Variants in ERG observed in about 807,000 individuals in gnomAD.
The protein encoded by ERG is transcriptional regulator ERG.
ERG carries 9 observed loss-of-function variants against 55.3 expected under a neutral mutation model. That is an observed-to-expected ratio of 0.16 (90% CI 0.10 to 0.28). ERG has a LOEUF of 0.28. Among genes scored for constraint, ERG ranks in the 10% least tolerant of loss-of-function variants. The probability of loss-of-function intolerance (pLI) is 1.00; values close to 1 mark genes in which losing one functional copy is unlikely to be tolerated. For missense variants in ERG, 434 were observed against 631.6 expected (o/e 0.69, Z 3.35); for synonymous variants, 223 against 237.3 (o/e 0.94, Z 0.55).
chr21:38,373,282 C>T, the ERG span, among the ~76,000 whole-genome samples: 1 of 152,226 alleles, frequency 6.6e-6, no homozygotes, highest in African/African-American at 2.4e-5. Flanking sequence ...ACATCTCTCT[C>T]GTTTTGCTAC....
chr21:38,620,139 T>C (rs2060281687), intron 1 of ERG, among the ~76,000 whole-genome samples: 1 of 152,250 alleles, frequency 6.6e-6, no homozygotes, highest in African/African-American at 2.4e-5. Context: ...AGAGAGTCCA[T>C]AAATCATTAT....
At chr21:38,637,813 C>A (rs182788441) in intron 1 of ERG, among the ~76,000 whole-genome samples, 1 of 148,262 alleles carries the variant, frequency 6.7e-6, no homozygotes, top group East Asian at 2.1e-4. Context: ...AGTTCTTTTT[C>A]TGCGTGTGTG....
intron 1 of ERG, among the ~76,000 whole-genome samples, chr21:38,497,003 T>C (rs2226683): frequency 0.89 from 136,029 of 152,268 alleles, 60,974 homozygotes; most frequent in African/African-American, 0.97. Context: ...CATGTAGCTA[T>C]AAGTAGGGCA....
At chr21:38,447,199 C>T (rs181643447) in intron 1 of ERG, among the ~76,000 whole-genome samples, 69 of 152,002 alleles carry the variant, frequency 4.5e-4, no homozygotes, top group Non-Finnish European at 8.5e-4. Flanking sequence ...GCCAGACACA[C>T]GGCACTGAGA....
Position 38,402,583 on chromosome 21 carries a change from GGA to G in ERG, c.645_646del (p.Pro216ThrfsTer6). 1 of 1,612,260 alleles carries G rather than the reference GGA, an allele frequency of 6.2e-7. No homozygotes were observed. Among genetic ancestry groups the G allele is most frequent in the Non-Finnish European group, 8.5e-7 (1 of 1,179,540 alleles). Reference sequence around the variant, plus strand: ...TGTGTTTCTAGCATGCATTAACCGTGGAGAGTTTTGTAAGGCTTTATCAACAT... The same window carrying G: ...TGTGTTTCTAGCATGCATTAACCGTGGAGTTTTGTAAGGCTTTATCAACAT... On this transcript the variant is annotated frameshift_variant, in exon 5 of 10. Transcript: ENST00000288319. LOFTEE classifies it high-confidence loss of function.
At chr21:38,422,560 G>A (rs1989596009) in intron 3 of ERG, among the ~76,000 whole-genome samples, 1 of 152,246 alleles carries the variant, frequency 6.6e-6, no homozygotes, top group South Asian at 2.1e-4. Context: ...GTAGGGTAAA[G>A]GTTCACTGAC....
intron 2 of ERG, among the ~76,000 whole-genome samples, chr21:38,428,340 CA>C (rs1464441560): frequency 2.6e-5 from 4 of 152,216 alleles, no homozygotes; most frequent in Admixed American, 2.6e-4. Context: ...TACTCCACTG[CA>C]ACCCCACCTT....
At chr21:38,607,367 G>A (rs1018882675) in intron 1 of ERG, among the ~76,000 whole-genome samples, 2 of 152,186 alleles carry the variant, frequency 1.3e-5, no homozygotes, top group African/African-American at 4.8e-5. Context: ...GGCTGGGCGT[G>A]GTGGCTCACG....
chr21:38,658,330 C>T (rs761350394), intron 1 of ERG, among the ~76,000 whole-genome samples: 29 of 152,178 alleles, frequency 1.9e-4, no homozygotes, highest in African/African-American at 7.0e-4. Flanking sequence ...TCATTAGAAA[C>T]GTAGGTGGCT....
chr21:38,462,959 C>A (rs1414135738), intron 1 of ERG, among the ~76,000 whole-genome samples: 1 of 152,164 alleles, frequency 6.6e-6, no homozygotes, highest in African/African-American at 2.4e-5. Flanking sequence ...GCTAACTGTG[C>A]TTTTCTGGAT....
intron 1 of ERG, among the ~76,000 whole-genome samples, chr21:38,477,007 C>CTTTTTTTTTTTTTTTTTTTT (rs397867221): frequency 1.2e-5 from 1 of 84,156 alleles, no homozygotes; most frequent in Non-Finnish European, 2.1e-5. Context: ...TCTTTCTTTC[C>CTTTTTTTTTTTTTTTTTTTT]TTTTTTTTTT....
chr21:38,550,811 G>A (rs1254331618), intron 2 of ERG, among the ~76,000 whole-genome samples: 2 of 152,138 alleles, frequency 1.3e-5, no homozygotes, highest in East Asian at 1.9e-4. Flanking sequence ...AATGGGACTC[G>A]GGTTCACACA....
At chr21:38,597,834 GAATTATAAAATCATATAATTTAGA>G (rs1467961242) in intron 1 of ERG, among the ~76,000 whole-genome samples, 3 of 152,076 alleles carry the variant, frequency 2.0e-5, no homozygotes, top group Admixed American at 6.6e-5. Flanking sequence ...ATAAAACTCA[GAATTATAAAATCATATAATTTAGA>G]AATTATAAAA....
chr21:38,576,289 A>G (rs2059994219), intron 1 of ERG, among the ~76,000 whole-genome samples: 1 of 152,008 alleles, frequency 6.6e-6, no homozygotes, highest in African/African-American at 2.4e-5. Flanking sequence ...TCCAACCACG[A>G]CTCTGAGAGC....
rs1488107189 is a variant in ERG, at chr21:38,382,018, C to T, written c.*1385G>A. On this transcript the variant is annotated 3_prime_UTR_variant, in exon 10 of 10. Coordinates refer to ENST00000288319, the MANE Select transcript of ERG (RefSeq NM_182918.4). Reference sequence around the variant, plus strand: ...ACTAAAAAAAGTGCAAATGCAGACTCCTGTATAAATCTGATTTGCCATGCT... The same window carrying T: ...ACTAAAAAAAGTGCAAATGCAGACTTCTGTATAAATCTGATTTGCCATGCT... The T allele has an allele frequency of 1.9e-6, 2 of 1,060,298 alleles. No homozygotes were observed. Among genetic ancestry groups the T allele is most frequent in the African/African-American group, 3.3e-5 (2 of 60,888 alleles). 65.7% of individuals were successfully genotyped at this position (1,060,298 alleles called of 1,614,324 possible).
intron 1 of ERG, chr21:38,470,823 A>C (rs939130320): frequency 6.6e-6 from 1 of 152,220 alleles, no homozygotes; most frequent in Non-Finnish European, 1.5e-5. Flanking sequence ...AGAAGATTTA[A>C]TTGAGTGTGT....
intron 6 of ERG, 86 bp from the exon 7 acceptor site, chr21:38,392,530 T>A (rs1988024267): frequency 1.0e-6 from 1 of 1,001,610 alleles, no homozygotes; most frequent in Admixed American, 3.4e-5. Flanking sequence ...TTTGTATTTA[T>A]TAGAATAAAC....
chr21:38,400,340 T>C (rs954561906), intron 6 of ERG: 7 of 629,570 alleles, frequency 1.1e-5, no homozygotes, highest in Non-Finnish European at 2.1e-5. Flanking sequence ...CCATCTGTCT[T>C]TCTGAAAAGC....
chr21:38,603,929 C>T (rs564984484), intron 1 of ERG, among the ~76,000 whole-genome samples: 5 of 151,120 alleles, frequency 3.3e-5, no homozygotes, highest in Non-Finnish European at 7.4e-5. Context: ...CACGTATTGG[C>T]ATCTTGATTT....
Sources: gnomAD v4.1 joint callset for allele counts (sites outside exome capture counted in the v4.1 genomes callset) on GRCh38, gnomAD v4.1.1 for gene constraint, MANE v1.5 for transcripts, NCBI Gene and HGNC (gene_info 2026-07-23, HGNC 2026-07-21) for gene names.